Variants in LARP1 observed in about 807,000 individuals in gnomAD.
LARP1 encodes the protein la-related protein 1.
A neutral mutation model predicts 122.7 loss-of-function variants in LARP1; 36 were observed. The observed-to-expected ratio is 0.29, with a 90% CI of 0.22 to 0.39. LARP1 has a LOEUF of 0.39. Among genes scored for constraint, LARP1 ranks in the 10% least tolerant of loss-of-function variants. The probability of loss-of-function intolerance (pLI) is 1.00; values close to 1 mark genes in which losing one functional copy is unlikely to be tolerated. For synonymous variants in LARP1, 539 were observed against 528.7 expected, an observed-to-expected ratio of 1.02 and a Z score of -0.27; for missense variants, 1,040 against 1,403.6, an observed-to-expected ratio of 0.74 and a Z score of 4.14.
intron 1 of LARP1, among the ~76,000 whole-genome samples, chr5:154,765,635 C>G (rs918965820): frequency 2.0e-5 from 3 of 152,126 alleles, no homozygotes; most frequent in Non-Finnish European, 2.9e-5. Flanking sequence ...CTCAAGCAGT[C>G]CTCCCACCTC....
chr5:154,778,637 C>T (rs1756128598), intron 1 of LARP1, among the ~76,000 whole-genome samples: 1 of 152,188 alleles, frequency 6.6e-6, no homozygotes, highest in Non-Finnish European at 1.5e-5. Context: ...ATTCTGCCCA[C>T]CCCTACCACA....
intron 1 of LARP1, among the ~76,000 whole-genome samples, chr5:154,764,157 A>G (rs943890926): frequency 1.3e-5 from 2 of 151,554 alleles, no homozygotes; most frequent in Non-Finnish European, 1.5e-5. Context: ...AAACATACAA[A>G]AATTAGCTGG....
intron 1 of LARP1, among the ~76,000 whole-genome samples, chr5:154,777,290 C>T (rs192454488): frequency 7.6e-4 from 116 of 151,816 alleles, no homozygotes; most frequent in African/African-American, 2.7e-3. Context: ...GCGGGTAGAT[C>T]GCCTGAGGTC....
chr5:154,795,747 G>C (rs1428590442), intron 8 of LARP1, among the ~76,000 whole-genome samples: 1 of 146,796 alleles, frequency 6.8e-6, no homozygotes, highest in Non-Finnish European at 1.5e-5. Context: ...TAAATTAACA[G>C]TTTAACATAT....
At chr5:154,685,438 C>T (rs923354566) in intron 1 of LARP1, among the ~76,000 whole-genome samples, 5 of 152,122 alleles carry the variant, frequency 3.3e-5, no homozygotes, top group Admixed American at 2.0e-4. Context: ...ATATTCCAAG[C>T]TGGCTGGCCC....
At chr5:154,775,008 G>A (rs1195707639) in intron 1 of LARP1, among the ~76,000 whole-genome samples, 1 of 152,158 alleles carries the variant, frequency 6.6e-6, no homozygotes, top group African/African-American at 2.4e-5. Context: ...CTGCCAGGGG[G>A]AGATCAGAAG....
chr5:154,809,582 CA>C (rs369585205), intron 16 of LARP1, among the ~76,000 whole-genome samples: 84 of 151,804 alleles, frequency 5.5e-4, no homozygotes, highest in African/African-American at 1.9e-3. Flanking sequence ...TACTTGTTTA[CA>C]AAAATGGACT....
At chr5:154,765,486 G>C (rs1237086118) in intron 1 of LARP1, among the ~76,000 whole-genome samples, 2 of 152,166 alleles carry the variant, frequency 1.3e-5, no homozygotes, top group African/African-American at 4.8e-5. Flanking sequence ...AACCTCCCAG[G>C]CTCAAGTGAT....
At chr5:154,734,186 A>G (rs902886282) in intron 1 of LARP1, among the ~76,000 whole-genome samples, 2 of 151,936 alleles carry the variant, frequency 1.3e-5, no homozygotes, top group Non-Finnish European at 1.5e-5. Flanking sequence ...AAAAAATAGT[A>G]CCTACCTCAA....
chr5:154,766,753 A>G (rs1754989115), intron 1 of LARP1, among the ~76,000 whole-genome samples: 1 of 152,198 alleles, frequency 6.6e-6, no homozygotes, highest in Non-Finnish European at 1.5e-5. Context: ...GTGGGTTTGC[A>G]TTTGCCTACA....
chr5:154,813,924 C>T lies in LARP1; in HGVS notation c.3119C>T (p.Ser1040Leu), dbSNP rs1759486490. Residue 1040 changes from serine to leucine, a missense_variant, in exon 19 of 19, where the codon TCA becomes TTA. This residue lies in a region of LARP1 where 129 missense variants were observed against 160.8 expected (regional missense o/e 0.80). Coordinates refer to ENST00000518297, the MANE Select transcript of LARP1 (RefSeq NM_033551.3). ...GAGGAGGGCAACCACAAGCGACACT[C>T]AGTGGTAGCAGGAGGTGGCGGCGGT... The part of the protein sequence containing the change: ...MGEEGNHKRH[S>L]VVAGGGGGEG... The T allele has an allele frequency of 6.2e-7, 1 of 1,614,082 alleles. No homozygotes were observed. Among genetic ancestry groups the T allele is most frequent in the Admixed American group, 1.7e-5 (1 of 60,018 alleles).
intron 1 of LARP1, among the ~76,000 whole-genome samples, chr5:154,723,224 T>A (rs1161012838): frequency 6.6e-6 from 1 of 152,216 alleles, no homozygotes; most frequent in African/African-American, 2.4e-5. Context: ...GATTTGCAAG[T>A]GCCAGCTCTA....
intron 1 of LARP1, among the ~76,000 whole-genome samples, chr5:154,772,151 G>A (rs529552276): frequency 6.6e-6 from 1 of 152,312 alleles, no homozygotes; most frequent in South Asian, 2.1e-4. Context: ...CTAGACCAGT[G>A]CTAGCCACGT....
intron 1 of LARP1, among the ~76,000 whole-genome samples, chr5:154,735,950 A>C (rs1561553647): frequency 6.6e-6 from 1 of 151,530 alleles, no homozygotes; most frequent in African/African-American, 2.4e-5. Context: ...GGGAGTCATC[A>C]CTCTGTCTAC....
At chr5:154,808,431 A>G in intron 15 of LARP1, 28 bp from the exon 16 acceptor site, 1 of 1,606,846 alleles carries the variant, frequency 6.2e-7, no homozygotes, top group African/African-American at 1.3e-5. Context: ...AACCTGAGAC[A>G]TGCCTTTCCT....
intron 1 of LARP1, among the ~76,000 whole-genome samples, chr5:154,740,988 A>G (rs988203682): frequency 1.3e-5 from 2 of 152,204 alleles, no homozygotes; most frequent in African/African-American, 4.8e-5. Context: ...TCCTCTCCTC[A>G]GGGGCACTGG....
intron 1 of LARP1, among the ~76,000 whole-genome samples, chr5:154,742,597 C>A (rs774380817): frequency 6.6e-6 from 1 of 151,296 alleles, no homozygotes; most frequent in Admixed American, 6.6e-5. Context: ...GGGTGAGGTG[C>A]CTTGCACCTG....
chr5:154,768,916 A>T (rs982925841), intron 1 of LARP1, among the ~76,000 whole-genome samples: 1 of 152,170 alleles, frequency 6.6e-6, no homozygotes, highest in African/African-American at 2.4e-5. Context: ...ATCTCAGCTC[A>T]CTGCAACCTC....
At chr5:154,694,781 GA>G (rs1754389400) in intron 1 of LARP1, among the ~76,000 whole-genome samples, 1 of 152,124 alleles carries the variant, frequency 6.6e-6, no homozygotes, top group Non-Finnish European at 1.5e-5. Context: ...GTGAGATGGA[GA>G]AAACAGTAAA....
Sources: allele counts gnomAD v4.1 joint callset (sites outside exome capture counted in the v4.1 genomes callset), GRCh38; gene constraint gnomAD v4.1.1; regional missense constraint gnomAD v4.1.1; transcripts MANE v1.5; gene names NCBI Gene and HGNC (gene_info 2026-07-23, HGNC 2026-07-21).